The following DENND2B variants were observed in gnomAD, a reference collection of about 807,000 sequenced individuals.
DENND2B encodes DENN domain containing 2B.
DENND2B carries 32 observed loss-of-function variants against 116.0 expected under a neutral mutation model. The ratio of observed to expected loss-of-function variants is 0.28; its 90% confidence interval spans 0.21 to 0.37. The LOEUF is 0.37. Among genes scored for constraint, DENND2B ranks in the 10% least tolerant of loss-of-function variants. DENND2B has a pLI of 1.00. For missense variants in DENND2B, 1,276 were observed against 1,477.7 expected (o/e 0.86, Z 2.24); for synonymous variants, 588 against 583.9 (o/e 1.01, Z -0.10).
Position 8,867,956 on chromosome 11 carries a change from C to T in DENND2B, c.-250+2998G>A, listed in dbSNP as rs182720278. 1.6e-4 allele frequency among the ~76,000 whole-genome samples: 24 copies of T among 152,118 alleles called. No individual in the cohort carries two copies. In the East Asian group the frequency reaches 3.3e-3, roughly 21 times the overall value. ...ATCAACTTACCTAAGATGTTTAGGG[C>T]GAGGAAAAGCTTTTAAACAAATTAC... On this transcript the variant is annotated intron_variant, in intron 2 of 6. Coordinates refer to the DENND2B transcript ENST00000524757.
intron 2 of DENND2B, among the ~76,000 whole-genome samples, chr11:8,744,878 A>G (rs2050948060): frequency 6.6e-6 from 1 of 152,070 alleles, no homozygotes; most frequent in South Asian, 2.1e-4. Context: ...AGCTGCACAC[A>G]AGGAATGAAC....
At position 8,712,580 on chromosome 11, in the gene DENND2B, G is replaced by C; in HGVS notation, c.2143C>G (p.Leu715Val). 1.4e-5 allele frequency: 21 copies of C among 1,555,048 alleles called. No homozygotes were observed. The highest frequency in any genetic ancestry group is 1.7e-5 in the Non-Finnish European group (20 of 1,148,558). The stretch of plus-strand genomic sequence containing the variant: ...GGAAACTGGTAGGAGACTTCGGGGA[G>C]GTAGGTGTTTCGCGATGGCTTCTTC... ...LKKKPSRNTYLPEVSYQFPKL... is the reference protein window; with the variant it reads ...LKKKPSRNTYVPEVSYQFPKL... Residue 715 changes from leucine (L) to valine (V), a missense_variant, in exon 9 of 20, where the codon CTC becomes GTC. Transcript: ENST00000313726. The surrounding 1 kb of genome is among the most constrained non-coding windows in gnomAD (Gnocchi z 4.4).
intron 1 of DENND2B, chr11:8,809,346 G>C (rs921063102): frequency 6.6e-6 from 1 of 152,214 alleles, no homozygotes; most frequent in African/African-American, 2.4e-5. Flanking sequence ...ATTCTGTTCA[G>C]AAAGTTCAAG....
intron 1 of DENND2B, among the ~76,000 whole-genome samples, chr11:8,909,251 C>T (rs2064278341): frequency 6.6e-6 from 1 of 152,088 alleles, no homozygotes; most frequent in Non-Finnish European, 1.5e-5. Context: ...AAAAAATTTG[C>T]AGGGCGTGGT....
chr11:8,763,072 T>C (rs2054979145), intron 1 of DENND2B, among the ~76,000 whole-genome samples: 1 of 152,022 alleles, frequency 6.6e-6, no homozygotes, highest in African/African-American at 2.4e-5. Context: ...AAAAGAAGAA[T>C]GGCACAAGTA....
At chr11:8,705,994 C>T (rs1203675643) in intron 13 of DENND2B, among the ~76,000 whole-genome samples, 1 of 152,198 alleles carries the variant, frequency 6.6e-6, no homozygotes, top group Admixed American at 6.5e-5. Flanking sequence ...CCTGTAGTCC[C>T]TACAGTTTGG....
chr11:8,831,084 T>C (rs1229195004), intron 4 of DENND2B, among the ~76,000 whole-genome samples: 1 of 152,094 alleles, frequency 6.6e-6, no homozygotes, highest in African/African-American at 2.4e-5. Context: ...CCAGTGAAGA[T>C]TGGCAGCTGC....
At chr11:8,900,386 G>A (rs1287845804) in intron 1 of DENND2B, among the ~76,000 whole-genome samples, 14 of 147,454 alleles carry the variant, frequency 9.5e-5, no homozygotes, top group Non-Finnish European at 1.3e-4. Flanking sequence ...GCCCAAGGTC[G>A]TGCCACTGCA....
In DENND2B at chr11:8,717,676, G is replaced by C; in HGVS notation, c.1629+65C>G. 4 of 1,469,852 alleles carry C rather than the reference G, an allele frequency of 2.7e-6. No individual in the cohort carries two copies. In the South Asian group the frequency reaches 4.6e-5, roughly 17 times the overall value. The allele number at this position is 1,469,852 out of a possible 1,614,324, so 91.1% of individuals were successfully genotyped here. A position where few individuals can be genotyped will look rare whatever the true frequency, so the allele number is the denominator to read the frequency against. Reference sequence around the variant, plus strand: ...TGAGTGGAAGCTGGGCCCAAGTCTTGGAAGAGCAGGCCCCCACTGTGGCCC... The same window carrying C: ...TGAGTGGAAGCTGGGCCCAAGTCTTCGAAGAGCAGGCCCCCACTGTGGCCC... On this transcript the variant is annotated intron_variant, in intron 5 of 19. Transcript: ENST00000313726.
At position 8,693,445 on chromosome 11, in the gene DENND2B, G is replaced by C. The variant is rs2039776679; in HGVS notation, c.*651C>G. On this transcript the variant is annotated 3_prime_UTR_variant, in exon 20 of 20. Coordinates refer to ENST00000313726, the MANE Select transcript of DENND2B (RefSeq NM_213618.2). ...CCGCATCGTGGCCACCACTGACTGG[G>C]AGCCAGGCCCAGAGAGCACTGGCAG... 2.6e-5 allele frequency: 4 copies of C among 152,766 alleles called. No individual in the cohort carries two copies. The highest frequency in any genetic ancestry group is 2.6e-4 in the Admixed American group (4 of 15,282). The allele number at this position is 152,766 out of a possible 1,614,324, so 9.5% of individuals were successfully genotyped here. A position where few individuals can be genotyped will look rare whatever the true frequency, so the allele number is the denominator to read the frequency against.
At chr11:8,699,479 A>G in intron 14 of DENND2B, 89 bp from the exon 15 acceptor site, 1 of 1,345,230 alleles carries the variant, frequency 7.4e-7, no homozygotes, top group Non-Finnish European at 1.0e-6. Context: ...TTGATCGTAA[A>G]CCTCCCAGTG....
chr11:8,720,162 A>C (rs1203259117), intron 4 of DENND2B, among the ~76,000 whole-genome samples: 1 of 152,098 alleles, frequency 6.6e-6, no homozygotes, highest in East Asian at 1.9e-4. Flanking sequence ...TTGTCCCCCA[A>C]CTGAGAACCA....
chr11:8,841,643 A>ATG (rs1235476543), intron 3 of DENND2B, among the ~76,000 whole-genome samples: 2 of 152,188 alleles, frequency 1.3e-5, no homozygotes, highest in African/African-American at 4.8e-5. Flanking sequence ...GAGTAAGGCC[A>ATG]TGTCTCAAAA....
chr11:8,719,179 G>A (rs1488047644), intron 4 of DENND2B: 1 of 985,576 alleles, frequency 1.0e-6, no homozygotes, highest in Non-Finnish European at 1.2e-6. Flanking sequence ...AGGCTGCTGA[G>A]AGTGAAGCTT....
rs752057920 is a variant in DENND2B, at chr11:8,717,937, A to G, written c.1478-45T>C. ...AGAGAAGGGGGAGAAGGGAAGAAGG[A>G]AACACACGAACTCACACACACACAA... is the stretch of plus-strand genomic sequence containing the variant. On this transcript the variant is annotated intron_variant, in intron 4 of 19. Coordinates refer to ENST00000313726, the MANE Select transcript of DENND2B (RefSeq NM_213618.2). 6 of 1,590,658 alleles carry G rather than the reference A, an allele frequency of 3.8e-6. No homozygotes were observed. The African/African-American group carries it at 5.4e-5, about 14-fold the overall frequency.
intron 1 of DENND2B, among the ~76,000 whole-genome samples, chr11:8,777,232 A>G (rs1593536310): frequency 6.6e-6 from 1 of 152,006 alleles, no homozygotes; most frequent in Non-Finnish European, 1.5e-5. Context: ...CCAGTGTGCC[A>G]CCCCCACCCA....
Position 8,730,093 on chromosome 11 carries a change from G to A in DENND2B, c.1197C>T (p.Asp399=). 1 of 1,613,972 alleles carries A rather than the reference G, an allele frequency of 6.2e-7. No homozygotes were observed. The highest frequency in any genetic ancestry group is 8.5e-7 in the Non-Finnish European group (1 of 1,179,964). Residue 399 remains aspartate (D), a synonymous_variant, in exon 3 of 20, where the codon GAC becomes GAT. Coordinates refer to ENST00000313726, the MANE Select transcript of DENND2B (RefSeq NM_213618.2). This position sits in a 1 kb window ranked among gnomAD's most constrained non-coding sequence, Gnocchi z 4.1. ...TACTGGGCTTACTCTTGGGGTTCTT[G>A]TCAGCCTCGTATTCAAAGGTGCGCT... The part of the protein sequence containing the change: ...KPKRTFEYEA[D]KNPKSKPSNG...
chr11:8,736,990 G>A (rs576439285), intron 2 of DENND2B, among the ~76,000 whole-genome samples: 2 of 152,312 alleles, frequency 1.3e-5, no homozygotes, highest in East Asian at 1.9e-4. Context: ...CCAGACAAAC[G>A]ATTATTATGA....
At chr11:8,727,220 GGCA>G (rs1306559131) in intron 3 of DENND2B, among the ~76,000 whole-genome samples, 2 of 152,242 alleles carry the variant, frequency 1.3e-5, no homozygotes, top group Non-Finnish European at 2.9e-5. Flanking sequence ...TCTTCTTTGG[GGCA>G]CCATCAGACC....
Sources: gnomAD v4.1 joint callset for allele counts (sites outside exome capture counted in the v4.1 genomes callset) on GRCh38, gnomAD v4.1.1 for gene constraint, Gnocchi (gnomAD v3.1) non-coding constraint, MANE v1.5 for transcripts, NCBI Gene and HGNC (gene_info 2026-07-23, HGNC 2026-07-21) for gene names.